DSP: variants seen among roughly 807,000 people sequenced by gnomAD.
DSP encodes the protein 250/210 kDa paraneoplastic pemphigus antigen.
A neutral mutation model predicts 290.6 loss-of-function variants in DSP; 114 were observed. The observed-to-expected ratio is 0.39, with a 90% CI of 0.34 to 0.46. DSP has a LOEUF of 0.46. Ranked by LOEUF, DSP falls within the 20% of genes least tolerant of loss-of-function variation. DSP has a pLI of 0.99. For missense variants in DSP, 3,230 were observed against 3,495.8 expected (o/e 0.92, Z 1.92); for synonymous variants, 1,311 against 1,316.4 (o/e 1.00, Z 0.09).
At chr6:7,568,786 T>G (rs1220639569) in intron 11 of DSP, among the ~76,000 whole-genome samples, 197 bp downstream of exon 11, 1 of 152,254 alleles carries the variant, frequency 6.6e-6, no homozygotes, top group Non-Finnish European at 1.5e-5. Context: ...ACAAGGACAG[T>G]AGTTATTTTT....
chr6:7,571,514 G>A lies in DSP; in HGVS notation c.1833G>A (p.Gln611=). ...ATGACAAGCGGAAAATACAGTCTCA[G>A]TTCACCGATGCCCAGAAGCATTACC... ...GDDDKRKIQS[Q]FTDAQKHYQT... The change falls in exon 14 of 24, where the codon CAG becomes CAA. Residue 611 remains glutamine, a synonymous_variant. Transcript: ENST00000379802. 6.2e-7 allele frequency: 1 copy of A among 1,614,198 alleles called. No homozygotes were observed. The highest frequency in any genetic ancestry group is 8.5e-7 in the Non-Finnish European group (1 of 1,180,028).
chr6:7,563,512 G>A (rs1483826041), intron 5 of DSP, among the ~76,000 whole-genome samples: 2 of 152,024 alleles, frequency 1.3e-5, no homozygotes, highest in African/African-American at 4.8e-5. Flanking sequence ...CCCTGATCTG[G>A]GCTTTCCTTT....
rs759222918 is a variant in DSP at position 7,581,434 on chromosome 6, C to T, written c.5244C>T (p.Thr1748=). Residue 1748 remains threonine, a synonymous_variant, in exon 23 of 24, where the codon ACC becomes ACT. Transcript: ENST00000379802. ...AAGCGGACAGTGATAAAAATGCAAC[C>T]ATCTTGGAACTAAGGAGCCAGCTGC... ...RSEADSDKNA[T]ILELRSQLQI... is the part of the protein sequence containing the mutation. 2.5e-6 allele frequency: 4 copies of T among 1,612,424 alleles called. No individual in the cohort carries two copies. Among genetic ancestry groups the T allele is most frequent in the African/African-American group, 2.7e-5 (2 of 74,650 alleles).
At chr6:7,560,818 CA>C (rs1758661119) in intron 4 of DSP, among the ~76,000 whole-genome samples, 1 of 152,026 alleles carries the variant, frequency 6.6e-6, no homozygotes, top group East Asian at 1.9e-4. Flanking sequence ...CTTAGTATGA[CA>C]GTTATAAAAA....
intron 1 of DSP, among the ~76,000 whole-genome samples, chr6:7,543,208 G>T (rs1331308641): frequency 6.6e-6 from 1 of 152,016 alleles, no homozygotes; most frequent in South Asian, 2.1e-4. Context: ...TGGGAAAGAG[G>T]CCCTGAGCGC....
intron 14 of DSP, 35 bp downstream of exon 14, chr6:7,571,619 A>G (rs768638841): frequency 3.1e-6 from 5 of 1,612,452 alleles, no homozygotes; most frequent in African/African-American, 2.7e-5. Context: ...TGTATCAACC[A>G]TCCATACCAT....
rs552106059 is a variant in DSP, at chr6:7,567,380, G to A, written c.1071G>A (p.Gln357=). ...CCTATATGGACACTCTGCAGACGCA[G>A]TGGAGTTGGATTCTTCAGATCACCA... ...IEAYMDTLQT[Q]WSWILQITKC... is the part of the protein sequence containing the mutation. The change falls in exon 9 of 24, where the codon CAG becomes CAA. Residue 357 remains glutamine, a synonymous_variant. Coordinates refer to ENST00000379802, the MANE Select transcript of DSP (RefSeq NM_004415.4). 2.5e-6 allele frequency: 4 copies of A among 1,614,106 alleles called. No homozygotes were observed. Among genetic ancestry groups the A allele is most frequent in the Admixed American group, 1.7e-5 (1 of 60,020 alleles).
intron 1 of DSP, among the ~76,000 whole-genome samples, chr6:7,555,287 A>G (rs2842685): frequency 0.3 from 45,115 of 152,076 alleles, 6,965 homozygotes; most frequent in Non-Finnish European, 0.34. Flanking sequence ...TTAGAAAATC[A>G]TTTGTGTCAA....
chr6:7,554,591 C>T (rs531165536), intron 1 of DSP, among the ~76,000 whole-genome samples: 1 of 152,200 alleles, frequency 6.6e-6, no homozygotes, highest in South Asian at 2.1e-4. Context: ...TCACTTTCTT[C>T]ACACCATGAT....
In DSP at chr6:7,563,906, C is replaced by G. The variant is rs1358903; in HGVS notation, c.777+120C>G. 263,420 of 894,022 alleles carry G rather than the reference C, an allele frequency of 0.29. 40,826 individuals are homozygous for G. The highest frequency in any genetic ancestry group is 0.47 in the East Asian group (19,263 of 40,566). 55.4% of individuals were successfully genotyped at this position (894,022 alleles called of 1,614,324 possible). On this transcript the variant is annotated intron_variant, in intron 6 of 23. Transcript: ENST00000379802. ...CTGTTCATCGATGCTAATGTTGTTG[C>G]TGCTGCTGAGTTTCCTTTAGAAGTG... is the stretch of plus-strand genomic sequence containing the variant.
rs1758937408 is a variant in DSP at position 7,568,635 on chromosome 6, A to G, written c.1419+46A>G. ...ATACAAAAGTTTTCCCTGTCTTTAC[A>G]CACAAATTTTTGTCCATCAAGAAAG... is the stretch of plus-strand genomic sequence containing the variant. On this transcript the variant is annotated intron_variant, in intron 11 of 23. Transcript: ENST00000379802. The G allele has an allele frequency of 5.6e-6, 9 of 1,608,560 alleles. 1 individual carries two copies. In the East Asian group the frequency reaches 8.9e-5, roughly 16 times the overall value.
intron 16 of DSP, 99 bp from the exon 17 acceptor site, chr6:7,574,558 C>T (rs1486059621): frequency 1.3e-6 from 2 of 1,540,014 alleles, no homozygotes; most frequent in South Asian, 2.2e-5. Context: ...TTTTTATCTG[C>T]TTTGACGTTG....
At position 7,586,034 on chromosome 6, in the gene DSP, G is replaced by A; in HGVS notation, c.*156G>A. On this transcript the variant is annotated 3_prime_UTR_variant, in exon 24 of 24. Coordinates refer to ENST00000379802, the MANE Select transcript of DSP (RefSeq NM_004415.4). ...CCATGATTGAAATCAAATAGTAAAGGCTGTTCTGGCTTTTTATCTTCTTAG... is the reference window on the plus strand; with the variant it reads ...CCATGATTGAAATCAAATAGTAAAGACTGTTCTGGCTTTTTATCTTCTTAG... 1.3e-6 allele frequency: 1 copy of A among 771,120 alleles called. No individual in the cohort carries two copies. Among genetic ancestry groups the A allele is most frequent in the Non-Finnish European group, 2.1e-6 (1 of 481,414 alleles). The allele number at this position is 771,120 out of a possible 1,614,324, so 47.8% of individuals were successfully genotyped here. A position where few individuals can be genotyped will look rare whatever the true frequency, so the allele number is the denominator to read the frequency against.
chr6:7,563,600 C>A, intron 5 of DSP, 136 bp from the exon 6 acceptor site: 2 of 784,744 alleles, frequency 2.5e-6, no homozygotes, highest in Non-Finnish European at 4.4e-6. Flanking sequence ...TGAAATATCT[C>A]ATAGAGCTAG....
rs777852039 is a variant in DSP, at chr6:7,566,392, C to T, written c.955C>T (p.Leu319=). Residue 319 remains leucine (L), a synonymous_variant, in exon 8 of 24, where the codon CTG becomes TTG. Transcript: ENST00000379802. ...TCATTCACAGATACGCATGAGTCAA[C>T]TGGAAGTTAAAGAAAAAGAGCTCAA... The part of the protein sequence containing the change: ...QEAFSIRMSQ[L]EVKEKELNKL... 7 of 1,613,264 alleles carry T rather than the reference C, an allele frequency of 4.3e-6. No individual in the cohort carries two copies. The highest frequency in any genetic ancestry group is 5.1e-6 in the Non-Finnish European group (6 of 1,179,910).
Position 7,585,390 on chromosome 6 carries a change from G to T in DSP, c.8128G>T (p.Ala2710Ser), listed in dbSNP as rs1561705003. 6.2e-6 allele frequency: 10 copies of T among 1,614,170 alleles called. No homozygotes were observed. The highest frequency in any genetic ancestry group is 8.5e-6 in the Non-Finnish European group (10 of 1,180,008). Residue 2710 changes from alanine (A) to serine (S), a missense_variant, in exon 24 of 24, where the codon GCA becomes TCA. This residue lies in a region of DSP where 582 missense variants were observed against 555.4 expected (regional missense o/e 1.05). Coordinates refer to ENST00000379802, the MANE Select transcript of DSP (RefSeq NM_004415.4). ...GAAGGGAAAGAAGAAGATGTCAGCA[G>T]CAGAGGCAGTGAAAGAAAAATGGCT... Reference protein sequence around the residue: ...GVKGKKKMSAAEAVKEKWLPY... With the variant: ...GVKGKKKMSASEAVKEKWLPY...
chr6:7,568,341 T>TCA (rs1758924906), intron 10 of DSP, 96 bp from the exon 11 acceptor site: 1 of 1,352,876 alleles, frequency 7.4e-7, no homozygotes, highest in Non-Finnish European at 1.1e-6. Context: ...GCAGTGATAC[T>TCA]CAGTGTGTCA....
chr6:7,576,871 C>A, intron 19 of DSP, 88 bp from the exon 20 acceptor site: 2 of 1,170,334 alleles, frequency 1.7e-6, no homozygotes, highest in Non-Finnish European at 2.5e-6. Context: ...AAAAAGGGTA[C>A]AAATAACAGT....
intron 1 of DSP, among the ~76,000 whole-genome samples, 191 bp from the exon 2 acceptor site, chr6:7,555,527 T>TAC (rs906890396): frequency 1.3e-5 from 2 of 152,040 alleles, no homozygotes; most frequent in East Asian, 3.9e-4. Context: ...CACAGATAAA[T>TAC]ACACACACAT....
Sources: gnomAD v4.1 joint callset for allele counts (sites outside exome capture counted in the v4.1 genomes callset) on GRCh38, gnomAD v4.1.1 for gene constraint, gnomAD v4.1.1 regional missense constraint, MANE v1.5 for transcripts, NCBI Gene and HGNC (gene_info 2026-07-23, HGNC 2026-07-21) for gene names.